The following PDSS2 variants were observed in gnomAD, a reference collection of about 807,000 sequenced individuals.
The protein encoded by PDSS2 is all trans-polyprenyl-diphosphate synthase PDSS2.
Under a neutral mutation model 44.5 loss-of-function variants are expected in PDSS2, and 31 were observed. The ratio of observed to expected loss-of-function variants is 0.70; its 90% CI spans 0.52 to 0.94. PDSS2 has a LOEUF of 0.94. Among genes scored for constraint, PDSS2 ranks in the 40% least tolerant of loss-of-function variants. The probability of loss-of-function intolerance (pLI) is 0.00; values close to 1 mark genes in which losing one functional copy is unlikely to be tolerated. For missense variants in PDSS2, 452 were observed against 482.2 expected (o/e 0.94, Z 0.59); for synonymous variants, 157 against 180.3 (o/e 0.87, Z 1.03).
chr6:107,438,579 C>T (rs962318745), intron 1 of PDSS2, among the ~76,000 whole-genome samples: 2 of 152,120 alleles, frequency 1.3e-5, no homozygotes, highest in Non-Finnish European at 2.9e-5. Flanking sequence ...GTCTGAGCCA[C>T]TACAGTAGAG....
intron 2 of PDSS2, among the ~76,000 whole-genome samples, chr6:107,276,390 C>T (rs1272821219): frequency 6.6e-6 from 1 of 152,086 alleles, no homozygotes; most frequent in East Asian, 1.9e-4. Context: ...TTCACTGTTG[C>T]ATGTTGGATA....
chr6:107,409,415 C>CTGGAAAAGAGGAGAAAATATTT (rs1232593022), intron 1 of PDSS2, among the ~76,000 whole-genome samples: 7 of 151,898 alleles, frequency 4.6e-5, no homozygotes, highest in African/African-American at 1.7e-4. Context: ...GGAAATATTG[C>CTGGAAAAGAGGAGAAAATATTT]TGGAAAAGAG....
At chr6:107,437,253 G>A (rs1240767524) in intron 1 of PDSS2, among the ~76,000 whole-genome samples, 2 of 152,124 alleles carry the variant, frequency 1.3e-5, no homozygotes, top group East Asian at 1.9e-4. Flanking sequence ...TGGGTGCAGC[G>A]GCTCACACCT....
intron 1 of PDSS2, among the ~76,000 whole-genome samples, chr6:107,411,015 T>G (rs1583051042): frequency 6.6e-6 from 1 of 151,396 alleles, no homozygotes; most frequent in Admixed American, 6.6e-5. Flanking sequence ...CTCCCAACTA[T>G]CTGAGATTAC....
intron 7 of PDSS2, among the ~76,000 whole-genome samples, chr6:107,171,483 A>G (rs1771574218): frequency 6.6e-6 from 1 of 152,090 alleles, no homozygotes; most frequent in East Asian, 1.9e-4. Context: ...TCTAATAGCC[A>G]TAGATAAAAG....
At chr6:107,227,667 G>C (rs1202590527) in intron 4 of PDSS2, among the ~76,000 whole-genome samples, 3 of 152,120 alleles carry the variant, frequency 2.0e-5, no homozygotes, top group Non-Finnish European at 4.4e-5. Flanking sequence ...TGAAGGTGGT[G>C]GTACGGAAGA....
chr6:107,242,872 G>A (rs1465546724), intron 4 of PDSS2, among the ~76,000 whole-genome samples: 1 of 152,148 alleles, frequency 6.6e-6, no homozygotes. Flanking sequence ...AAATGGTTTG[G>A]CTATTTTCAG....
intron 3 of PDSS2, among the ~76,000 whole-genome samples, chr6:107,268,268 T>C (rs1179080232): frequency 6.6e-6 from 1 of 152,154 alleles, no homozygotes; most frequent in Non-Finnish European, 1.5e-5. Flanking sequence ...AAAGTGTGAA[T>C]ACTATATAAT....
chr6:107,326,090 G>GT (rs916283445), intron 2 of PDSS2, among the ~76,000 whole-genome samples: 1 of 148,570 alleles, frequency 6.7e-6, no homozygotes, highest in Non-Finnish European at 1.5e-5. Context: ...TCTGAACTAT[G>GT]TTTTTTCTTT....
At chr6:107,400,494 T>C (rs1430024681) in intron 1 of PDSS2, among the ~76,000 whole-genome samples, 1 of 152,170 alleles carries the variant, frequency 6.6e-6, no homozygotes, top group Non-Finnish European at 1.5e-5. Flanking sequence ...GTTTTTGTCC[T>C]GGGAGTTTGG....
rs921456576 is a variant in PDSS2, at chr6:107,385,731, T to TTC, written c.297-51401_297-51400dup. Among the ~76,000 whole-genome samples, 5 of 152,164 alleles carry TTC rather than the reference T, an allele frequency of 3.3e-5. No homozygotes were observed. The South Asian group carries it at 8.3e-4, about 25-fold the overall frequency. On this transcript the variant is annotated intron_variant, in intron 1 of 7. Coordinates refer to ENST00000369037, the MANE Select transcript of PDSS2 (RefSeq NM_020381.4). ...CCCTAAAAGCTGAACATCTTTTTTT[T>TTC]TCTCTCTCTTTTTTTTTTTAAATAA...
chr6:107,316,874 T>C (rs1777219324), intron 2 of PDSS2, among the ~76,000 whole-genome samples: 2 of 152,246 alleles, frequency 1.3e-5, no homozygotes, highest in Non-Finnish European at 2.9e-5. Context: ...TGCAGTATTA[T>C]TCCTGGCTTT....
chr6:107,459,251 C>T lies in PDSS2; in HGVS notation c.35G>A (p.Arg12His), dbSNP rs757780479. 8.1e-6 allele frequency: 13 copies of T among 1,614,010 alleles called. No individual in the cohort carries two copies. The highest frequency in any genetic ancestry group is 1.0e-5 in the Non-Finnish European group (12 of 1,180,050). Reference protein sequence around the residue: ...NFRQLLLHLPRYLGASGSPRR... With the variant: ...NFRQLLLHLPHYLGASGSPRR... ...CGGGGAACCCGAGGCTCCAAGATAA[C>T]GTGGCAAGTGCAACAGCAGCTGCCG... The change falls in exon 1 of 8, where the codon CGT becomes CAT. Residue 12 changes from arginine to histidine, a missense_variant. Physicochemically the swap from Arg to His is conservative, Grantham distance 29 (BLOSUM62 0). Transcript: ENST00000369037. The surrounding 1 kb of genome is among the most constrained non-coding windows in gnomAD (Gnocchi z 4.3).
At chr6:107,455,754 CAAAAAAAAAAAAAAA>C (rs60783838) in intron 1 of PDSS2, among the ~76,000 whole-genome samples, 1 of 55,678 alleles carries the variant, frequency 1.8e-5, no homozygotes, top group African/African-American at 8.1e-5. Flanking sequence ...GACTCTGTCT[CAAAAAAAAAAAAAAA>C]AAAAAAAAAA....
At chr6:107,226,375 T>C (rs1009235570) in intron 4 of PDSS2, among the ~76,000 whole-genome samples, 4 of 152,206 alleles carry the variant, frequency 2.6e-5, no homozygotes, top group African/African-American at 9.6e-5. Context: ...CATACTTCTA[T>C]GACCACATGG....
intron 2 of PDSS2, among the ~76,000 whole-genome samples, chr6:107,296,570 A>T (rs550377054): frequency 4.4e-4 from 67 of 152,172 alleles, no homozygotes; most frequent in African/African-American, 1.6e-3. Context: ...TACTAAAAAT[A>T]TAAAAAATTA....
At chr6:107,358,245 A>G (rs1778650473) in intron 1 of PDSS2, among the ~76,000 whole-genome samples, 1 of 152,338 alleles carries the variant, frequency 6.6e-6, no homozygotes, top group African/African-American at 2.4e-5. Context: ...CATTCCCAAG[A>G]TATCTCATTA....
chr6:107,251,317 A>G (rs933520654), intron 3 of PDSS2, among the ~76,000 whole-genome samples: 1 of 152,224 alleles, frequency 6.6e-6, no homozygotes, highest in Non-Finnish European at 1.5e-5. Flanking sequence ...AAAAACTGTG[A>G]AGGCCATTAC....
At chr6:107,301,861 T>C (rs1455608390) in intron 2 of PDSS2, among the ~76,000 whole-genome samples, 1 of 140,616 alleles carries the variant, frequency 7.1e-6, no homozygotes, top group African/African-American at 2.7e-5. Context: ...GAGGTGGAGG[T>C]TGCAGTGAGC....
Sources: allele counts gnomAD v4.1 joint callset (sites outside exome capture counted in the v4.1 genomes callset), GRCh38; gene constraint gnomAD v4.1.1; non-coding constraint Gnocchi (gnomAD v3.1); transcripts MANE v1.5; gene names NCBI Gene and HGNC (gene_info 2026-07-23, HGNC 2026-07-21).